The following FREM2 variants were observed in gnomAD, a reference collection of about 807,000 sequenced individuals.
FREM2 encodes FRAS1 related extracellular matrix 2.
FREM2 carries 119 observed loss-of-function variants against 219.9 expected under a neutral mutation model. The ratio of observed to expected loss-of-function variants is 0.54; its 90% CI spans 0.47 to 0.63. The LOEUF is 0.63. Ranked by LOEUF, FREM2 falls within the 30% of genes least tolerant of loss-of-function variation. The probability of loss-of-function intolerance (pLI) is 0.00; values close to 1 mark genes in which losing one functional copy is unlikely to be tolerated. For synonymous variants in FREM2, 1,562 were observed against 1,522.8 expected (o/e 1.03, Z -0.60); for missense variants, 4,030 against 3,993.6 (o/e 1.01, Z -0.25).
At chr13:38,789,737 T>C (rs1195832251) in intron 6 of FREM2, among the ~76,000 whole-genome samples, 1 of 151,054 alleles carries the variant, frequency 6.6e-6, no homozygotes, top group African/African-American at 2.4e-5. Context: ...AGAAGATCTG[T>C]GTGGAGTTTT....
chr13:38,808,182 C>T (rs1017649401), intron 6 of FREM2, among the ~76,000 whole-genome samples: 12 of 151,900 alleles, frequency 7.9e-5, no homozygotes, highest in African/African-American at 2.9e-4. Flanking sequence ...CTGAAGCTTC[C>T]TCGCCCCTCT....
At chr13:38,860,657 T>C (rs1301900058) in intron 14 of FREM2, among the ~76,000 whole-genome samples, 1 of 152,348 alleles carries the variant, frequency 6.6e-6, no homozygotes, top group East Asian at 1.9e-4. Flanking sequence ...CTCTGTTTTA[T>C]ACAAATAGAT....
chr13:38,845,259 T>C (rs372994346), intron 6 of FREM2, among the ~76,000 whole-genome samples: 2 of 152,288 alleles, frequency 1.3e-5, no homozygotes, highest in African/African-American at 4.8e-5. Context: ...ACTTGAACAA[T>C]GCACAAAATG....
chr13:38,874,700 GAA>G, intron 18 of FREM2, 114 bp downstream of exon 18: 1 of 811,460 alleles, frequency 1.2e-6, no homozygotes, highest in South Asian at 1.4e-5. Flanking sequence ...AATCTCAAAT[GAA>G]TTGTACATGT....
chr13:38,716,850 A>G (rs1322041844), intron 2 of FREM2, among the ~76,000 whole-genome samples: 1 of 152,228 alleles, frequency 6.6e-6, no homozygotes, highest in Non-Finnish European at 1.5e-5. Flanking sequence ...GCACAGGCAC[A>G]CACACTTTAC....
intron 3 of FREM2, among the ~76,000 whole-genome samples, chr13:38,768,971 A>G (rs912005817): frequency 3.9e-5 from 6 of 152,234 alleles, no homozygotes; most frequent in Non-Finnish European, 7.3e-5. Flanking sequence ...ATTTAATTTC[A>G]TGGAATTCTG....
chr13:38,808,826 C>T (rs1875362633), intron 6 of FREM2, among the ~76,000 whole-genome samples: 1 of 151,840 alleles, frequency 6.6e-6, no homozygotes, highest in South Asian at 2.1e-4. Flanking sequence ...AGAGCACATG[C>T]TGTTGGAAAA....
At chr13:38,845,665 T>C (rs1877124322) in intron 6 of FREM2, among the ~76,000 whole-genome samples, 1 of 152,226 alleles carries the variant, frequency 6.6e-6, no homozygotes, top group African/African-American at 2.4e-5. Flanking sequence ...AGCCTCTATA[T>C]AACTCAAAAT....
chr13:38,699,047 A>C (rs1390264746), intron 2 of FREM2, among the ~76,000 whole-genome samples: 1 of 152,192 alleles, frequency 6.6e-6, no homozygotes, highest in Non-Finnish European at 1.5e-5. Context: ...AACCTTCTTG[A>C]ATTTTGCTGC....
chr13:38,809,741 G>A (rs889135115), intron 6 of FREM2, among the ~76,000 whole-genome samples: 7 of 152,050 alleles, frequency 4.6e-5, no homozygotes, highest in Non-Finnish European at 8.8e-5. Context: ...TCGTTCTGTA[G>A]TATAATTTGA....
Position 38,859,406 on chromosome 13 carries a change from T to C in FREM2, c.7335T>C (p.Gly2445=), listed in dbSNP as rs141921562. 4.8e-4 allele frequency: 780 copies of C among 1,614,198 alleles called. 5 individuals are homozygous for C. In the African/African-American group the frequency reaches 9.0e-3, roughly 19 times the overall value. The change falls in exon 14 of 24, where the codon GGT becomes GGC. Residue 2445 remains glycine (G), a synonymous_variant. Coordinates refer to ENST00000280481, the MANE Select transcript of FREM2 (RefSeq NM_207361.6). ...WLISAPAGPD[G]VTSPMREVDF... Reference sequence around the variant, plus strand: ...TTAGTGCACCTGCGGGCCCTGACGGTGTGACCAGCCCTATGAGAGAAGTGG... The same window carrying C: ...TTAGTGCACCTGCGGGCCCTGACGGCGTGACCAGCCCTATGAGAGAAGTGG...
chr13:38,834,988 A>G (rs1047062860), intron 6 of FREM2, among the ~76,000 whole-genome samples: 3 of 152,050 alleles, frequency 2.0e-5, no homozygotes, highest in Admixed American at 1.3e-4. Context: ...TTTTGTTGCT[A>G]TTGCTTTTGG....
intron 6 of FREM2, among the ~76,000 whole-genome samples, chr13:38,791,850 T>A (rs1874576002): frequency 6.6e-6 from 1 of 152,240 alleles, no homozygotes; most frequent in South Asian, 2.1e-4. Flanking sequence ...TGACTTTCAA[T>A]GCCAGAAAGT....
At chr13:38,811,105 A>T (rs1577040) in intron 6 of FREM2, among the ~76,000 whole-genome samples, 60,302 of 151,730 alleles carry the variant, frequency 0.4, 13,833 homozygotes, top group Non-Finnish European at 0.51. Context: ...TTATTGGCAT[A>T]TGGTTACTCA....
rs890055754 is a variant in FREM2 at position 38,687,427 on chromosome 13, C to G, written c.83C>G (p.Pro28Arg). ...TSFQPGPPPPPRLLLLLLLLL... is the reference protein window; with the variant it reads ...TSFQPGPPPPRRLLLLLLLLL... ...TTTCAACCAGGACCGCCACCGCCGC[C>G]CCGGCTGCTGCTGCTGCTGCTGCTT... The change falls in exon 1 of 24, where the codon CCC (proline) becomes CGC (arginine). Residue 28 changes from proline to arginine, a missense_variant. Physicochemically the swap from Pro to Arg is moderately radical, Grantham distance 103 (BLOSUM62 -2). Around this residue, in one of 2 missense-constraint regions of FREM2, gnomAD observed 3,102 missense variants for 2,950.7 expected, o/e 1.05. Transcript: ENST00000280481. 1.2e-6 allele frequency: 2 copies of G among 1,602,680 alleles called. No homozygotes were observed. Among genetic ancestry groups the G allele is most frequent in the African/African-American group, 2.7e-5 (2 of 74,750 alleles).
At chr13:38,734,147 GC>G (rs1871882582) in intron 2 of FREM2, among the ~76,000 whole-genome samples, 1 of 151,348 alleles carries the variant, frequency 6.6e-6, no homozygotes, top group Non-Finnish European at 1.5e-5. Flanking sequence ...TCTTAAAGAG[GC>G]TTTGATTTGC....
chr13:38,793,147 G>GT (rs1874629935), intron 6 of FREM2, among the ~76,000 whole-genome samples: 1 of 152,186 alleles, frequency 6.6e-6, no homozygotes, highest in Admixed American at 6.5e-5. Context: ...TTGAGCACCT[G>GT]TGTGCCTGCA....
intron 6 of FREM2, among the ~76,000 whole-genome samples, chr13:38,795,025 C>A (rs1157991872): frequency 6.6e-6 from 1 of 151,986 alleles, no homozygotes; most frequent in Non-Finnish European, 1.5e-5. Context: ...GAATATATGT[C>A]CTAAATTTAG....
intron 2 of FREM2, among the ~76,000 whole-genome samples, chr13:38,718,008 C>A (rs980718492): frequency 6.6e-6 from 1 of 152,106 alleles, no homozygotes; most frequent in Non-Finnish European, 1.5e-5. Flanking sequence ...CTAAAAATAA[C>A]CAACCAGAAA....
Sources: gnomAD v4.1 joint callset for allele counts (sites outside exome capture counted in the v4.1 genomes callset) on GRCh38, gnomAD v4.1.1 for gene constraint, gnomAD v4.1.1 regional missense constraint, MANE v1.5 for transcripts, NCBI Gene and HGNC (gene_info 2026-07-23, HGNC 2026-07-21) for gene names.